Variants in CEACAM21 observed in about 807,000 individuals in gnomAD.
CEACAM21 encodes the protein cell adhesion molecule CEACAM21.
Under a neutral mutation model 33.2 loss-of-function variants are expected in CEACAM21, and 38 were observed. That is an observed-to-expected ratio of 1.14 (90% CI 0.88 to 1.50). CEACAM21 has a LOEUF of 1.50. CEACAM21 is among the 40% of genes most tolerant of loss of function. CEACAM21 has a pLI of 0.00. For synonymous variants in CEACAM21, 156 were observed against 143.0 expected (o/e 1.09, Z -0.65); for missense variants, 385 against 364.6 (o/e 1.06, Z -0.46).
chr19:41,584,453 C>A lies in CEACAM21; in HGVS notation c.797+10C>A. ...TCCGAAAAACTGGCAGGTACCACAGCTTTTCCCCATTCTGCTCCCATCCTT... is the reference window on the plus strand; with the variant it reads ...TCCGAAAAACTGGCAGGTACCACAGATTTTCCCCATTCTGCTCCCATCCTT... On this transcript the variant is annotated intron_variant, in intron 4 of 6. Coordinates refer to ENST00000401445, the MANE Select transcript of CEACAM21 (RefSeq NM_001098506.4). 1 of 1,596,858 alleles carries A rather than the reference C, an allele frequency of 6.3e-7. No individual in the cohort carries two copies. Among genetic ancestry groups the A allele is most frequent in the Non-Finnish European group, 8.5e-7 (1 of 1,170,800 alleles).
chr19:41,575,793 G>A (rs186752462), upstream of CEACAM21, among the ~76,000 whole-genome samples: 156 of 152,248 alleles, frequency 1.0e-3, no homozygotes, highest in Non-Finnish European at 1.8e-3. Context: ...CCCCTTTCTA[G>A]CCCCCAGAGC....
At chr19:41,558,815 C>T (rs1555786137) in intron 1 of CEACAM21, among the ~76,000 whole-genome samples, 1 of 152,314 alleles carries the variant, frequency 6.6e-6, no homozygotes, top group Non-Finnish European at 1.5e-5. Flanking sequence ...TAATCATAAA[C>T]TTAAACGATG....
At chr19:41,578,149 T>C (rs1417184766) in intron 2 of CEACAM21, among the ~76,000 whole-genome samples, 1 of 151,918 alleles carries the variant, frequency 6.6e-6, no homozygotes, top group Non-Finnish European at 1.5e-5. Context: ...AGAGTCAGAG[T>C]GGAGAGGACA....
chr19:41,577,598 G>A (rs778554230), intron 2 of CEACAM21, 39 bp downstream of exon 2: 3 of 1,606,036 alleles, frequency 1.9e-6, no homozygotes, highest in Admixed American at 3.5e-5. Flanking sequence ...TTGGGGGTCA[G>A]TTCTGCTTCA....
At chr19:41,566,139 C>G (rs1265688230) in intron 2 of CEACAM21, among the ~76,000 whole-genome samples, 1 of 152,106 alleles carries the variant, frequency 6.6e-6, no homozygotes, top group Non-Finnish European at 1.5e-5. Context: ...AAAATCAACC[C>G]TAACATAAAG....
At chr19:41,578,234 G>A (rs740591) in intron 2 of CEACAM21, among the ~76,000 whole-genome samples, 21,665 of 151,774 alleles carry the variant, frequency 0.14, 3,110 homozygotes, top group African/African-American at 0.35. Flanking sequence ...CTGTCCTCAG[G>A]AGGAGGGAAA....
chr19:41,585,230 C>T (rs1448105332), intron 4 of CEACAM21, among the ~76,000 whole-genome samples: 1 of 152,104 alleles, frequency 6.6e-6, no homozygotes, highest in Non-Finnish European at 1.5e-5. Context: ...CAGCATCTGC[C>T]TGAGAGTCCT....
intron 2 of CEACAM21, among the ~76,000 whole-genome samples, chr19:41,568,842 A>C (rs545029275): frequency 1.3e-5 from 2 of 152,198 alleles, no homozygotes; most frequent in Non-Finnish European, 2.9e-5. Context: ...GAAGAATATC[A>C]TTGGTGTTTT....
At chr19:41,560,625 A>G (rs1274028889) in intron 1 of CEACAM21, among the ~76,000 whole-genome samples, 1 of 152,238 alleles carries the variant, frequency 6.6e-6, no homozygotes, top group Non-Finnish European at 1.5e-5. Context: ...AATAAAACAG[A>G]TATTGTTCAG....
upstream of CEACAM21, among the ~76,000 whole-genome samples, chr19:41,573,877 A>G (rs1483079947): frequency 6.6e-6 from 1 of 152,192 alleles, no homozygotes; most frequent in African/African-American, 2.4e-5. Flanking sequence ...TCTTTTTTAA[A>G]AGTCACCCCA....
intron 2 of CEACAM21, among the ~76,000 whole-genome samples, chr19:41,579,045 T>C (rs2043167837): frequency 2.0e-5 from 3 of 152,196 alleles, no homozygotes; most frequent in Non-Finnish European, 4.4e-5. Context: ...TCCATTTCTC[T>C]GACTGCCTGC....
upstream of CEACAM21, among the ~76,000 whole-genome samples, chr19:41,574,437 A>G (rs2042800747): frequency 6.6e-6 from 1 of 152,256 alleles, no homozygotes; most frequent in African/African-American, 2.4e-5. Context: ...TTTGCAAATC[A>G]TGTACCCCAT....
In CEACAM21 at chr19:41,580,767, T is replaced by C. The variant is rs536384181; in HGVS notation, c.700+1139T>C. Among the ~76,000 whole-genome samples the C allele has an allele frequency of 2.2e-4, 33 of 152,350 alleles. No homozygotes were observed. The South Asian group carries it at 5.4e-3, about 25-fold the overall frequency. ...GTTCATGACATAGATATGATTGATTTAATCATTGGCCATTAATTGATTCAA... is the reference window on the plus strand; with the variant it reads ...GTTCATGACATAGATATGATTGATTCAATCATTGGCCATTAATTGATTCAA... On this transcript the variant is annotated intron_variant, in intron 3 of 6. Transcript: ENST00000401445.
Position 41,576,193 on chromosome 19 carries a change from A to T in CEACAM21, c.-82A>T, listed in dbSNP as rs2042928292. Reference sequence around the variant, plus strand: ...AGAGGAAGGAAGGACAGCAGAGACAACAGTCACAGTAACCCTGTCTAGAGC... The same window carrying T: ...AGAGGAAGGAAGGACAGCAGAGACATCAGTCACAGTAACCCTGTCTAGAGC... On this transcript the variant is annotated 5_prime_UTR_variant, in exon 1 of 7. Transcript: ENST00000401445. 7 of 1,511,894 alleles carry T rather than the reference A, an allele frequency of 4.6e-6. No individual in the cohort carries two copies. Among genetic ancestry groups the T allele is most frequent in the Non-Finnish European group, 6.4e-6 (7 of 1,091,712 alleles). The allele number at this position is 1,511,894 out of a possible 1,614,324, so 93.7% of individuals were successfully genotyped here. A position where few individuals can be genotyped will look rare whatever the true frequency, so the allele number is the denominator to read the frequency against.
chr19:41,585,704 C>T, intron 5 of CEACAM21, 136 bp from the exon 6 acceptor site: 1 of 1,067,592 alleles, frequency 9.4e-7, no homozygotes, highest in Non-Finnish European at 1.4e-6. Flanking sequence ...ACCTCACTTG[C>T]TTACTTGACC....
intron 1 of CEACAM21, among the ~76,000 whole-genome samples, chr19:41,553,477 G>A (rs2041349836): frequency 6.6e-6 from 1 of 152,046 alleles, no homozygotes; most frequent in Non-Finnish European, 1.5e-5. Context: ...CACTTTATTT[G>A]TACGAGGTGC....
At chr19:41,561,471 T>C (rs1400047365) in intron 1 of CEACAM21, among the ~76,000 whole-genome samples, 1 of 149,068 alleles carries the variant, frequency 6.7e-6, no homozygotes, top group Non-Finnish European at 1.5e-5. Flanking sequence ...AGAGAGAGAG[T>C]CTGTGTTCAT....
intron 1 of CEACAM21, among the ~76,000 whole-genome samples, chr19:41,561,854 C>A (rs1555786889): frequency 6.6e-6 from 1 of 152,182 alleles, no homozygotes; most frequent in East Asian, 1.9e-4. Flanking sequence ...AGTCTACACA[C>A]AAAGACCCTT....
At chr19:41,550,014 A>C (rs2041123188) in intron 1 of CEACAM21, 1 of 152,206 alleles carries the variant, frequency 6.6e-6, no homozygotes, top group South Asian at 2.1e-4. Flanking sequence ...ATTTCCTCCC[A>C]CAGCAATTAA....
Sources: allele counts gnomAD v4.1 joint callset (sites outside exome capture counted in the v4.1 genomes callset), GRCh38; gene constraint gnomAD v4.1.1; transcripts MANE v1.5; gene names NCBI Gene and HGNC (gene_info 2026-07-23, HGNC 2026-07-21).